Variants in PPIH observed in about 807,000 individuals in gnomAD.
PPIH encodes peptidylprolyl isomerase H, also known as peptidyl-prolyl cis-trans isomerase H.
In PPIH, 16 loss-of-function variants were observed where a neutral mutation model predicts 27.6. The ratio of observed to expected loss-of-function variants is 0.58; its 90% confidence interval spans 0.39 to 0.88. The LOEUF (loss-of-function observed/expected upper bound fraction) is 0.88. PPIH is among the 40% of genes least tolerant of loss of function. The probability of loss-of-function intolerance (pLI) is 0.00; values close to 1 mark genes in which losing one functional copy is unlikely to be tolerated. For synonymous variants in PPIH, 63 were observed against 76.1 expected (o/e 0.83, Z 0.90); for missense variants, 155 against 224.1 (o/e 0.69, Z 1.97).
At chr1:42,662,071 GT>G (rs1649059199) in intron 5 of PPIH, among the ~76,000 whole-genome samples, 1 of 152,196 alleles carries the variant, frequency 6.6e-6, no homozygotes, top group Non-Finnish European at 1.5e-5. Flanking sequence ...TGGTAGTAGG[GT>G]TTGTTAGCTG....
intron 5 of PPIH, among the ~76,000 whole-genome samples, chr1:42,662,126 T>A (rs1483841396): frequency 6.6e-6 from 1 of 152,206 alleles, no homozygotes; most frequent in Admixed American, 6.5e-5. Flanking sequence ...TTTCCTTTTT[T>A]TTCCCCTAGG....
Position 42,658,452 on chromosome 1 carries a change from G to A in PPIH, c.6G>A (p.Ala2=), listed in dbSNP as rs1220083640. 6.2e-7 allele frequency: 1 copy of A among 1,614,006 alleles called. No homozygotes were observed. Among genetic ancestry groups the A allele is most frequent in the Non-Finnish European group, 8.5e-7 (1 of 1,179,844 alleles). Residue 2 remains alanine, a synonymous_variant, in exon 1 of 10, where the codon GCG becomes GCA. Transcript: ENST00000304979. M[A]VANSSPVNPV... ...TCTGCTTCCGGGTCGGAGCCATGGC[G>A]GTGGCAAATTCAAGTCCTGTTAACC...
At chr1:42,661,928 T>C (rs955216906) in intron 5 of PPIH, among the ~76,000 whole-genome samples, 5 of 152,112 alleles carry the variant, frequency 3.3e-5, no homozygotes, top group Non-Finnish European at 7.4e-5. Flanking sequence ...ACAGTGACAA[T>C]TGGTTGGAAT....
intron 5 of PPIH, among the ~76,000 whole-genome samples, chr1:42,661,618 CTTA>C (rs1238107912): frequency 1.3e-5 from 2 of 152,056 alleles, no homozygotes; most frequent in Non-Finnish European, 2.9e-5. Flanking sequence ...TTTCTTTACT[CTTA>C]TTAATATCAT....
Position 42,676,631 on chromosome 1 carries a change from G to A in PPIH, c.*69G>A, listed in dbSNP as rs1005812040. 2.6e-5 allele frequency: 4 copies of A among 151,878 alleles called. No homozygotes were observed. Among genetic ancestry groups the A allele is most frequent in the African/African-American group, 9.7e-5 (4 of 41,264 alleles). 9.4% of individuals were successfully genotyped at this position (151,878 alleles called of 1,614,324 possible). A position where few individuals can be genotyped will look rare whatever the true frequency, so the allele number is the denominator to read the frequency against. ...GTTCTTGAGTAAGATAATCTGGACT[G>A]GCCCCCGTCTTTGCTTCCCTGCCTG... On this transcript the variant is annotated 3_prime_UTR_variant, in exon 10 of 10. Coordinates refer to ENST00000304979, the MANE Select transcript of PPIH (RefSeq NM_006347.4).
chr1:42,671,652 T>C (rs911560800), intron 9 of PPIH, among the ~76,000 whole-genome samples: 1 of 152,202 alleles, frequency 6.6e-6, no homozygotes, highest in Non-Finnish European at 1.5e-5. Context: ...GAACTTTACT[T>C]GAATTATCGC....
intron 2 of PPIH, 79 bp downstream of exon 2, chr1:42,658,987 A>C: frequency 6.7e-7 from 1 of 1,490,652 alleles, no homozygotes. Flanking sequence ...TAGCCTGTCT[A>C]CCTCTGTCCG....
At chr1:42,658,561 G>C in intron 1 of PPIH, 49 bp downstream of exon 1, 1 of 1,571,764 alleles carries the variant, frequency 6.4e-7, no homozygotes. Context: ...AAACTGCTCG[G>C]GGCTAGGCAG....
chr1:42,670,303 A>G (rs894148870), intron 9 of PPIH, among the ~76,000 whole-genome samples: 11 of 151,906 alleles, frequency 7.2e-5, no homozygotes, highest in Admixed American at 2.6e-4. Flanking sequence ...TCCGTCTCCT[A>G]CTCATTTCTT....
At chr1:42,667,826 G>C (rs1368712417) in intron 9 of PPIH, among the ~76,000 whole-genome samples, 1 of 152,226 alleles carries the variant, frequency 6.6e-6, no homozygotes, top group Non-Finnish European at 1.5e-5. Context: ...GCTGGGACCA[G>C]GCCAGGCAGC....
At chr1:42,680,674 C>A (rs908875744), downstream of PPIH, among the ~76,000 whole-genome samples, 8 of 152,124 alleles carry the variant, frequency 5.3e-5, no homozygotes. Context: ...AACAGCACTG[C>A]TCTATGCTAG....
chr1:42,664,402 A>G (rs1391513573), intron 5 of PPIH, among the ~76,000 whole-genome samples: 4 of 152,230 alleles, frequency 2.6e-5, no homozygotes, highest in East Asian at 1.9e-4. Flanking sequence ...AGATCAATCA[A>G]CTATGACCAG....
chr1:42,670,939 G>A (rs566239546), intron 9 of PPIH, among the ~76,000 whole-genome samples: 1 of 152,128 alleles, frequency 6.6e-6, no homozygotes, highest in Admixed American at 6.5e-5. Context: ...GGGATTACAG[G>A]CGCACGCTGC....
chr1:42,663,402 TC>T (rs1055950879), intron 5 of PPIH, among the ~76,000 whole-genome samples: 33 of 151,718 alleles, frequency 2.2e-4, no homozygotes, highest in African/African-American at 7.8e-4. Flanking sequence ...CAAATTCAGA[TC>T]TTTTTTTTTT....
At chr1:42,673,898 T>C (rs113885963) in intron 9 of PPIH, among the ~76,000 whole-genome samples, 11 of 152,400 alleles carry the variant, frequency 7.2e-5, no homozygotes, top group African/African-American at 2.6e-4. Context: ...AGATGCTATT[T>C]GAATGACTAA....
intron 5 of PPIH, among the ~76,000 whole-genome samples, chr1:42,664,505 G>A (rs1649222294): frequency 6.6e-6 from 1 of 152,168 alleles, no homozygotes; most frequent in Non-Finnish European, 1.5e-5. Context: ...ACTTAAGTGG[G>A]TACTTTTATG....
chr1:42,669,022 C>T (rs988917484), intron 9 of PPIH, among the ~76,000 whole-genome samples: 1 of 149,846 alleles, frequency 6.7e-6, no homozygotes, highest in Non-Finnish European at 1.5e-5. Context: ...CCAGCCTGGG[C>T]AACCTGGTGA....
chr1:42,663,131 A>G (rs569197569), intron 5 of PPIH, among the ~76,000 whole-genome samples: 1 of 152,344 alleles, frequency 6.6e-6, no homozygotes, highest in South Asian at 2.1e-4. Flanking sequence ...CCTTAGGTTC[A>G]CTGGGAAATT....
At chr1:42,663,539 TA>T (rs1649165454) in intron 5 of PPIH, among the ~76,000 whole-genome samples, 3 of 152,218 alleles carry the variant, frequency 2.0e-5, no homozygotes, top group East Asian at 3.9e-4. Flanking sequence ...TAGCTGGGAT[TA>T]CAGGTACCAC....
Sources: gnomAD v4.1 joint callset for allele counts (sites outside exome capture counted in the v4.1 genomes callset) on GRCh38, gnomAD v4.1.1 for gene constraint, MANE v1.5 for transcripts, NCBI Gene and HGNC (gene_info 2026-07-23, HGNC 2026-07-21) for gene names.